The following MBNL2 variants were observed in gnomAD, a reference collection of about 807,000 sequenced individuals.
MBNL2 encodes muscleblind-like protein 2.
In MBNL2, 17 loss-of-function variants were observed where a neutral mutation model predicts 41.9. That is an observed-to-expected ratio of 0.41 (90% CI 0.28 to 0.61). The LOEUF is 0.61. Ranked by LOEUF, MBNL2 falls within the 20% of genes least tolerant of loss-of-function variation. The pLI is 0.35. For missense variants in MBNL2, 336 were observed against 505.6 expected (o/e 0.66, Z 3.22); for synonymous variants, 195 against 182.9 (o/e 1.07, Z -0.53).
intron 2 of MBNL2, among the ~76,000 whole-genome samples, chr13:97,326,952 A>C (rs976289418): frequency 2.1e-4 from 32 of 152,210 alleles, no homozygotes; most frequent in Non-Finnish European, 5.9e-5. Context: ...TGTGACTGAG[A>C]CCTGTATAAA....
chr13:97,222,636 T>A lies in MBNL2; in HGVS notation c.-605+105T>A, dbSNP rs1594051653. ...AGCCAGGGAAACTGGATTCCACTAA[T>A]TCAATTGTAATACTTGCGGGGGACC... On this transcript the variant is annotated intron_variant, in intron 1 of 8. Coordinates refer to ENST00000679496, the MANE Select transcript of MBNL2 (RefSeq NM_001382683.1). The A allele has an allele frequency of 1.0e-5, 4 of 395,258 alleles. No homozygotes were observed. In the East Asian group the frequency reaches 1.4e-4, roughly 14 times the overall value. 24.5% of individuals were successfully genotyped at this position (395,258 alleles called of 1,614,324 possible).
chr13:97,166,387 A>G, the MBNL2 span, among the ~76,000 whole-genome samples: 155 of 152,294 alleles, frequency 1.0e-3, no homozygotes, highest in African/African-American at 3.6e-3. Context: ...CAGAGTGAGA[A>G]GACACATGTG....
At chr13:97,235,663 C>T (rs1189988067) in intron 1 of MBNL2, among the ~76,000 whole-genome samples, 3 of 152,182 alleles carry the variant, frequency 2.0e-5, no homozygotes, top group African/African-American at 7.2e-5. Context: ...AGCCTGTGCG[C>T]TTTGTCAGGT....
intron 8 of MBNL2, among the ~76,000 whole-genome samples, chr13:97,373,379 C>T (rs1403565701): frequency 6.6e-6 from 1 of 150,736 alleles, no homozygotes; most frequent in Non-Finnish European, 1.5e-5. Flanking sequence ...CCATATCAAA[C>T]ATTTTGTAGA....
At chr13:97,302,049 C>T (rs568304253) in intron 2 of MBNL2, among the ~76,000 whole-genome samples, 10 of 152,302 alleles carry the variant, frequency 6.6e-5, no homozygotes, top group South Asian at 6.2e-4. Flanking sequence ...ATTTCTGCAG[C>T]AATTCCTCAG....
chr13:97,329,626 C>CA (rs1346829080), intron 2 of MBNL2, among the ~76,000 whole-genome samples: 5 of 528 alleles, frequency 9.5e-3, no homozygotes, highest in African/African-American at 0.016. Context: ...CACACACACA[C>CA]TAGACACACA....
At chr13:97,219,810 C>A (rs2040705262), upstream of MBNL2, among the ~76,000 whole-genome samples, 1 of 152,082 alleles carries the variant, frequency 6.6e-6, no homozygotes, top group Non-Finnish European at 1.5e-5. Flanking sequence ...TTTTTTAATT[C>A]CTGTTCTGAC....
At chr13:97,182,274 A>G in the MBNL2 span, among the ~76,000 whole-genome samples, 8 of 152,342 alleles carry the variant, frequency 5.3e-5, no homozygotes, top group South Asian at 1.4e-3. Flanking sequence ...TACACATGTT[A>G]GAGAACCCCA....
chr13:97,177,197 G>C, the MBNL2 span, among the ~76,000 whole-genome samples: 3 of 152,070 alleles, frequency 2.0e-5, no homozygotes, highest in Admixed American at 6.6e-5. Context: ...AAATTAGCCA[G>C]GCATGGTGGC....
chr13:97,303,533 C>T (rs1351439454), intron 2 of MBNL2, among the ~76,000 whole-genome samples: 1 of 152,210 alleles, frequency 6.6e-6, no homozygotes, highest in Non-Finnish European at 1.5e-5. Context: ...CCGGCTCTCT[C>T]AACCATGCAG....
At chr13:97,147,350 T>C in the MBNL2 span, among the ~76,000 whole-genome samples, 1 of 152,230 alleles carries the variant, frequency 6.6e-6, no homozygotes, top group South Asian at 2.1e-4. Flanking sequence ...ATGTTCATAT[T>C]GGCAGTTGTC....
chr13:97,174,236 T>C, the MBNL2 span, among the ~76,000 whole-genome samples: 1 of 152,218 alleles, frequency 6.6e-6, no homozygotes, highest in Non-Finnish European at 1.5e-5. Context: ...GACAGGGCAT[T>C]CAGGAGGGAA....
chr13:97,193,842 T>A, the MBNL2 span, among the ~76,000 whole-genome samples: 1 of 152,210 alleles, frequency 6.6e-6, no homozygotes, highest in Non-Finnish European at 1.5e-5. Context: ...GCATCTTCAA[T>A]GAACCTCACA....
At chr13:97,292,555 T>C (rs1484525792) in intron 2 of MBNL2, among the ~76,000 whole-genome samples, 1 of 152,234 alleles carries the variant, frequency 6.6e-6, no homozygotes, top group African/African-American at 2.4e-5. Context: ...TATTTGATCA[T>C]TTGTTTTTTA....
the MBNL2 span, among the ~76,000 whole-genome samples, chr13:97,143,217 G>A: frequency 6.6e-6 from 1 of 152,202 alleles, no homozygotes; most frequent in Non-Finnish European, 1.5e-5. Context: ...ACTGAGGGAA[G>A]CATTTGAAAA....
chr13:97,184,058 A>G, the MBNL2 span, among the ~76,000 whole-genome samples: 2 of 152,212 alleles, frequency 1.3e-5, no homozygotes, highest in East Asian at 3.9e-4. Flanking sequence ...ATCATTAGAA[A>G]CTATCTGATC....
At chr13:97,273,045 C>T (rs1477184210) in intron 1 of MBNL2, among the ~76,000 whole-genome samples, 1 of 152,216 alleles carries the variant, frequency 6.6e-6, no homozygotes, top group Non-Finnish European at 1.5e-5. Context: ...TCCTGGAGAA[C>T]TTTTAGGAAC....
chr13:97,354,855 GA>G (rs1382489827), intron 5 of MBNL2, among the ~76,000 whole-genome samples: 1 of 152,132 alleles, frequency 6.6e-6, no homozygotes, highest in Non-Finnish European at 1.5e-5. Flanking sequence ...ATGGGAAGGG[GA>G]AAAATTGAGT....
the MBNL2 span, among the ~76,000 whole-genome samples, chr13:97,202,609 A>C: frequency 6.6e-6 from 1 of 152,214 alleles, no homozygotes; most frequent in Non-Finnish European, 1.5e-5. Flanking sequence ...ATCTACTGCA[A>C]TGTTTAAAAA....
Sources: gnomAD v4.1 joint callset for allele counts (sites outside exome capture counted in the v4.1 genomes callset) on GRCh38, gnomAD v4.1.1 for gene constraint, MANE v1.5 for transcripts, NCBI Gene and HGNC (gene_info 2026-07-23, HGNC 2026-07-21) for gene names.